DDX43: variants seen among roughly 807,000 people sequenced by gnomAD.
DDX43 encodes the protein DEAD-box helicase 43.
DDX43 carries 50 observed loss-of-function variants against 84.9 expected under a neutral mutation model. That is an observed-to-expected ratio of 0.59 (90% CI 0.47 to 0.75). The LOEUF is 0.75. DDX43 is among the 30% of genes least tolerant of loss of function. DDX43 has a pLI of 0.00. For missense variants in DDX43, 689 were observed against 798.6 expected (o/e 0.86, Z 1.65); for synonymous variants, 291 against 266.3 (o/e 1.09, Z -0.90).
At chr6:73,398,084 T>G (rs2150788117) in intron 2 of DDX43, 1 of 184,912 alleles carries the variant, frequency 5.4e-6, no homozygotes, top group South Asian at 1.5e-4. Context: ...GTGTTGGGAT[T>G]ACAGGCATGA....
chr6:73,414,709 T>C lies in DDX43; in HGVS notation c.1745+23T>C, dbSNP rs1396254776. 23 of 1,593,672 alleles carry C rather than the reference T, an allele frequency of 1.4e-5. No homozygotes were observed. In the East Asian group the frequency reaches 4.9e-4, roughly 34 times the overall value. The stretch of plus-strand genomic sequence containing the variant: ...AGGGTAAGTAAGCTTAGTCCACCCA[T>C]GAAAGGCCAATTCTAGATTCTCCTT... On this transcript the variant is annotated intron_variant, in intron 14 of 16. Coordinates refer to ENST00000370336, the MANE Select transcript of DDX43 (RefSeq NM_018665.3).
intron 11 of DDX43, among the ~76,000 whole-genome samples, chr6:73,412,678 CGTGTGTGTGTGT>C (rs1554236194): frequency 8.8e-4 from 67 of 76,502 alleles, no homozygotes; most frequent in African/African-American, 2.5e-3. Context: ...TGCGCGCGCG[CGTGTGTGTGTGT>C]GCGCGTGCGT....
Position 73,404,715 on chromosome 6 carries a change from T to G in DDX43, c.594T>G (p.Phe198Leu), listed in dbSNP as rs778734321. ...ATTTACCACCAATTAAGAAAAACTTTTATAAAGAGTCCACTGCCACAAGTG... is the reference window on the plus strand; with the variant it reads ...ATTTACCACCAATTAAGAAAAACTTGTATAAAGAGTCCACTGCCACAAGTG... ...WADLPPIKKN[F>L]YKESTATSAM... The change falls in exon 5 of 17, where the codon TTT becomes TTG. Residue 198 changes from phenylalanine to leucine, a missense_variant. By Grantham distance (22) the Phe-to-Leu change is conservative (BLOSUM62 0). Coordinates refer to ENST00000370336, the MANE Select transcript of DDX43 (RefSeq NM_018665.3). 1.9e-6 allele frequency: 3 copies of G among 1,612,410 alleles called. No homozygotes were observed. Among genetic ancestry groups the G allele is most frequent in the Non-Finnish European group, 2.5e-6 (3 of 1,179,652 alleles).
intron 6 of DDX43, 130 bp downstream of exon 6, chr6:73,405,965 A>C (rs1769671266): frequency 1.2e-6 from 1 of 858,842 alleles, no homozygotes; most frequent in African/African-American, 1.7e-5. Flanking sequence ...GAGTTCAAAA[A>C]ATCTTTGTTG....
Position 73,408,088 on chromosome 6 carries a change from A to C in DDX43, c.1166A>C (p.Asn389Thr). The C allele has an allele frequency of 6.2e-7, 1 of 1,613,908 alleles. No homozygotes were observed. The highest frequency in any genetic ancestry group is 8.5e-7 in the Non-Finnish European group (1 of 1,179,960). The change falls in exon 9 of 17, where the codon AAT (asparagine) becomes ACT (threonine). Residue 389 changes from asparagine (N) to threonine (T), a missense_variant. Transcript: ENST00000370336. ...ATGAGTAACTTCGTCAATCTGAAGA[A>C]TATAACCTACTTGGTAATCATGGAA... Reference protein sequence around the residue: ...LQMSNFVNLKNITYLVLDEAD... With the variant: ...LQMSNFVNLKTITYLVLDEAD...
In DDX43 at chr6:73,410,260, G is replaced by A. The variant is rs866710095; in HGVS notation, c.1280+912G>A. Among the ~76,000 whole-genome samples the A allele has an allele frequency of 4.6e-5, 7 of 152,150 alleles. 1 individual carries two copies. Among genetic ancestry groups the A allele is most frequent in the Admixed American group, 1.3e-4 (2 of 15,268 alleles). On this transcript the variant is annotated intron_variant, in intron 10 of 16. Coordinates refer to ENST00000370336, the MANE Select transcript of DDX43 (RefSeq NM_018665.3). ...CGGCTAACTGCAACCTCTGCCTCCC[G>A]GGTTCAAGCAATTCTCCTGTCTCAG...
chr6:73,401,529 A>G (rs1470731955), intron 3 of DDX43, among the ~76,000 whole-genome samples: 2 of 152,162 alleles, frequency 1.3e-5, no homozygotes, highest in African/African-American at 4.8e-5. Context: ...GAGGCCAGGC[A>G]TGGTGGCTCA....
At position 73,413,718 on chromosome 6, in the gene DDX43, A is replaced by G. The variant is rs1769847635; in HGVS notation, c.1429A>G (p.Met477Val). ...CACCGAGGAAGAGAAATGGAGTCAC[A>G]TGCAAACTTTTCTACAGAGTATGTC... is the stretch of plus-strand genomic sequence containing the variant. ...VTTEEEKWSH[M>V]QTFLQSMSST... Residue 477 changes from methionine to valine, a missense_variant, in exon 12 of 17, where the codon ATG (methionine) becomes GTG (valine). By Grantham distance (21) the Met-to-Val change is conservative. Transcript: ENST00000370336. 1.2e-6 allele frequency: 2 copies of G among 1,613,952 alleles called. No individual in the cohort carries two copies. Among genetic ancestry groups the G allele is most frequent in the Non-Finnish European group, 1.7e-6 (2 of 1,179,874 alleles).
At chr6:73,416,327 A>G (rs1769899124) in intron 16 of DDX43, 76 bp downstream of exon 16, 2 of 650,288 alleles carry the variant, frequency 3.1e-6, no homozygotes, top group South Asian at 1.9e-5. Flanking sequence ...GTTTATTGCA[A>G]TGAGCATGAT....
intron 10 of DDX43, among the ~76,000 whole-genome samples, chr6:73,410,645 T>C (rs566710005): frequency 6.6e-6 from 1 of 152,330 alleles, no homozygotes; most frequent in South Asian, 2.1e-4. Context: ...CAGGATGGAA[T>C]GCAGTGGCAC....
chr6:73,413,725 C>CT lies in DDX43; in HGVS notation c.1440dup (p.Leu481SerfsTer26), dbSNP rs764884953. 60 of 1,613,746 alleles carry CT rather than the reference C, an allele frequency of 3.7e-5. No individual in the cohort carries two copies. The highest frequency in any genetic ancestry group is 5.1e-5 in the Non-Finnish European group (60 of 1,179,862). On this transcript the variant is annotated frameshift_variant, in exon 12 of 17. Coordinates refer to ENST00000370336, the MANE Select transcript of DDX43 (RefSeq NM_018665.3). LOFTEE classifies it high-confidence loss of function. ...GAAGAGAAATGGAGTCACATGCAAA[C>CT]TTTTCTACAGAGTATGTCATCCACA...
In DDX43 at chr6:73,403,945, G is replaced by A. The variant is rs570812347; in HGVS notation, c.569-745G>A. 2.6e-5 allele frequency among the ~76,000 whole-genome samples: 4 copies of A among 151,732 alleles called. No homozygotes were observed. The South Asian group carries it at 8.3e-4, about 32-fold the overall frequency. ...TGATTCTCCTACTTCAGGCTTCTGA[G>A]TAGCTAGGATTACAGGCGTCTGCCA... On this transcript the variant is annotated intron_variant, in intron 4 of 16. Transcript: ENST00000370336.
At chr6:73,415,680 A>C (rs868044442) in intron 15 of DDX43, 96 bp downstream of exon 15, 2 of 844,580 alleles carry the variant, frequency 2.4e-6, no homozygotes, top group Admixed American at 4.8e-5. Flanking sequence ...GAAGCTTCAA[A>C]TAAGTTTTCA....
chr6:73,413,632 T>G (rs1261714002), intron 11 of DDX43, 26 bp from the exon 12 acceptor site: 1 of 1,606,938 alleles, frequency 6.2e-7, no homozygotes, highest in Non-Finnish European at 8.5e-7. Flanking sequence ...ATGACCTTGA[T>G]GAACTATGTT....
intron 11 of DDX43, 82 bp from the exon 12 acceptor site, chr6:73,413,576 G>C: frequency 7.5e-7 from 1 of 1,340,146 alleles, no homozygotes; most frequent in Non-Finnish European, 1.0e-6. Flanking sequence ...CAATGAGAGA[G>C]AAGATGCATT....
At chr6:73,412,668 TGCGCGCGCGCGTGTGTGTGTGTGCGC>T in intron 11 of DDX43, among the ~76,000 whole-genome samples, 1 of 108,466 alleles carries the variant, frequency 9.2e-6, no homozygotes, top group East Asian at 2.9e-4. Flanking sequence ...TGTGTGTGTG[TGCGCGCGCGCGTGTGTGTGTGTGCGC>T]GTGCGTGCGC....
intron 10 of DDX43, among the ~76,000 whole-genome samples, chr6:73,411,928 C>T (rs1449780689): frequency 6.6e-6 from 1 of 152,136 alleles, no homozygotes; most frequent in South Asian, 2.1e-4. Context: ...GAACTCCTGA[C>T]CTCAGGTGAT....
chr6:73,412,653 G>A (rs1167824137), intron 11 of DDX43, among the ~76,000 whole-genome samples: 1 of 86,812 alleles, frequency 1.2e-5, no homozygotes, highest in African/African-American at 4.1e-5. Context: ...GTGTGTGTGT[G>A]TGTGTGTGTG....
chr6:73,402,301 T>C (rs779892017), intron 4 of DDX43, among the ~76,000 whole-genome samples: 12 of 152,114 alleles, frequency 7.9e-5, no homozygotes, highest in Admixed American at 1.3e-4. Flanking sequence ...AAGTTAACAT[T>C]GTTGCTGTGA....
Sources: gnomAD v4.1 joint callset for allele counts (sites outside exome capture counted in the v4.1 genomes callset) on GRCh38, gnomAD v4.1.1 for gene constraint, MANE v1.5 for transcripts, NCBI Gene and HGNC (gene_info 2026-07-23, HGNC 2026-07-21) for gene names.